Variants in ACSS3 observed in about 807,000 individuals in gnomAD.
The protein encoded by ACSS3 is acyl-CoA synthetase short chain family member 3, also known as acyl-CoA synthetase short-chain family member 3, mitochondrial.
In ACSS3, 64 loss-of-function variants were observed where a neutral mutation model predicts 84.2. The observed-to-expected ratio is 0.76, with a 90% confidence interval of 0.62 to 0.94. The LOEUF is 0.94. Among genes scored for constraint, ACSS3 ranks in the 40% least tolerant of loss-of-function variants. The pLI is 0.00. For synonymous variants in ACSS3, 317 were observed against 310.1 expected (o/e 1.02, Z -0.23); for missense variants, 815 against 867.6 (o/e 0.94, Z 0.76).
At chr12:81,119,700 G>A (rs1245648360) in intron 2 of ACSS3, among the ~76,000 whole-genome samples, 1 of 152,090 alleles carries the variant, frequency 6.6e-6, no homozygotes, top group Non-Finnish European at 1.5e-5. Flanking sequence ...GACCCCGCAG[G>A]CAGTCAGACC....
rs77108696 is a variant in ACSS3, at chr12:81,138,282, T to C, written c.646-849T>C. On this transcript the variant is annotated intron_variant, in intron 3 of 15. Transcript: ENST00000548058. The stretch of plus-strand genomic sequence containing the variant: ...AGTTCCGCAAACGTTTACTGAAAGC[T>C]CATGACATGCCAAGCACTGTGCTAG... 8.6e-3 allele frequency among the ~76,000 whole-genome samples: 1,305 copies of C among 152,280 alleles called. 17 individuals are homozygous for C. Among genetic ancestry groups the C allele is most frequent in the East Asian group, 0.047 (244 of 5,180 alleles).
intron 9 of ACSS3, among the ~76,000 whole-genome samples, chr12:81,211,771 A>G (rs1370303782): frequency 1.3e-5 from 2 of 152,210 alleles, no homozygotes; most frequent in African/African-American, 2.4e-5. Context: ...TTTTGTTCAG[A>G]AGCCCTCATT....
rs2034284247 is a variant in ACSS3, at chr12:81,256,071, T to G, written c.*1149T>G. 6.6e-6 allele frequency: 1 copy of G among 152,204 alleles called. No individual in the cohort carries two copies. The highest frequency in any genetic ancestry group is 6.5e-5 in the Admixed American group (1 of 15,276). The allele number at this position is 152,204 out of a possible 1,614,324, so 9.4% of individuals were successfully genotyped here. ...AGGTTTCTAGGCAGGTAGTGTAATG[T>G]CTAGGTGATTTTGAAGTGAACTTAA... On this transcript the variant is annotated 3_prime_UTR_variant, in exon 16 of 16. Coordinates refer to ENST00000548058, the MANE Select transcript of ACSS3 (RefSeq NM_024560.4).
chr12:81,157,579 C>T (rs925831954), intron 7 of ACSS3, among the ~76,000 whole-genome samples: 18 of 152,218 alleles, frequency 1.2e-4, no homozygotes, highest in African/African-American at 3.9e-4. Context: ...GAGGTCAAGG[C>T]GGGCAGATCA....
rs1173337466 is a variant in ACSS3 at position 81,242,013 on chromosome 12, A to G, written c.1719+8542A>G. 2.2e-3 allele frequency among the ~76,000 whole-genome samples: 335 copies of G among 151,564 alleles called. 1 individual carries two copies. The highest frequency in any genetic ancestry group is 7.9e-3 in the African/African-American group (326 of 41,292). Reference sequence around the variant, plus strand: ...TAATCCATCTTGAATTGATTTTCATATAAGGTGTAAGGAAGGGATCCAGTT... The same window carrying G: ...TAATCCATCTTGAATTGATTTTCATGTAAGGTGTAAGGAAGGGATCCAGTT... On this transcript the variant is annotated intron_variant, in intron 13 of 15. Coordinates refer to ENST00000548058, the MANE Select transcript of ACSS3 (RefSeq NM_024560.4).
intron 9 of ACSS3, among the ~76,000 whole-genome samples, chr12:81,200,889 CAAAAAA>C (rs35916130): frequency 1.1e-4 from 6 of 56,532 alleles, no homozygotes; most frequent in Admixed American, 3.9e-4. Flanking sequence ...GCAAGACTGT[CAAAAAA>C]AAAAAAAAAA....
At chr12:81,102,541 G>A (rs1481168503) in intron 1 of ACSS3, among the ~76,000 whole-genome samples, 2 of 152,116 alleles carry the variant, frequency 1.3e-5, no homozygotes, top group Non-Finnish European at 2.9e-5. Flanking sequence ...GGAGAAGATT[G>A]GCCACGTGCA....
chr12:81,220,338 T>C (rs1221698754), intron 11 of ACSS3, among the ~76,000 whole-genome samples: 2 of 152,076 alleles, frequency 1.3e-5, no homozygotes, highest in Non-Finnish European at 2.9e-5. Flanking sequence ...TATGTATAGA[T>C]GATAAAGTTA....
intron 7 of ACSS3, among the ~76,000 whole-genome samples, chr12:81,168,854 A>T (rs1013067202): frequency 1.3e-5 from 2 of 152,218 alleles, no homozygotes; most frequent in Non-Finnish European, 2.9e-5. Flanking sequence ...CTAGTGTTAC[A>T]TTCTAGGCTC....
At chr12:81,160,461 G>A (rs957810319) in intron 7 of ACSS3, among the ~76,000 whole-genome samples, 2 of 152,176 alleles carry the variant, frequency 1.3e-5, no homozygotes, top group Non-Finnish European at 2.9e-5. Context: ...GATGGTACAG[G>A]AGTATGGTCG....
chr12:81,244,432 A>T (rs2033916425), intron 13 of ACSS3, among the ~76,000 whole-genome samples: 1 of 151,990 alleles, frequency 6.6e-6, no homozygotes, highest in South Asian at 2.1e-4. Flanking sequence ...GGAAACTCTC[A>T]GTCATTATTT....
intron 7 of ACSS3, among the ~76,000 whole-genome samples, chr12:81,153,114 A>C (rs1006034666): frequency 7.9e-5 from 12 of 152,212 alleles, no homozygotes; most frequent in Non-Finnish European, 1.5e-4. Flanking sequence ...TAATGTATAC[A>C]AGAAAGAGGT....
At chr12:81,142,422 A>G (rs1411708951) in intron 4 of ACSS3, among the ~76,000 whole-genome samples, 1 of 152,228 alleles carries the variant, frequency 6.6e-6, no homozygotes, top group East Asian at 1.9e-4. Flanking sequence ...TGTTTTTAAA[A>G]AAGACTATTT....
chr12:81,241,578 G>A (rs2033805682), intron 13 of ACSS3, among the ~76,000 whole-genome samples: 1 of 152,192 alleles, frequency 6.6e-6, no homozygotes, highest in African/African-American at 2.4e-5. Flanking sequence ...GCATTTCTCT[G>A]ATGGCCAGTG....
chr12:81,213,902 G>GTCCT lies in ACSS3; in HGVS notation c.1355-2969_1355-2966dup, dbSNP rs1305105388. On this transcript the variant is annotated intron_variant, in intron 9 of 15. Transcript: ENST00000548058. ...TTTCTTTCCTTTCTTTCTTTCTTTT[G>GTCCT]TCCTTCCTTCCTTCCTTCCTTCCTT... is the stretch of plus-strand genomic sequence containing the variant. Among the ~76,000 whole-genome samples the GTCCT allele has an allele frequency of 6.4e-3, 139 of 21,688 alleles. 12 individuals are homozygous for GTCCT. Among genetic ancestry groups the GTCCT allele is most frequent in the Middle Eastern group, 0.1 (2 of 20 alleles). The allele number at this position is 21,688 out of a possible 152,430, so 14.2% of individuals were successfully genotyped here.
In ACSS3 at chr12:81,143,135, A is replaced by T. The variant is rs1251378297; in HGVS notation, c.809A>T (p.Asp270Val). Reference sequence around the variant, plus strand: ...GCGGTTCCTTTGGCTCCCGGTCGTGACCTTGATTGGGATGAAGAGATGGCA... The same window carrying T: ...GCGGTTCCTTTGGCTCCCGGTCGTGTCCTTGATTGGGATGAAGAGATGGCA... ...MEAVPLAPGR[D>V]LDWDEEMAKA... Residue 270 changes from aspartate (D) to valine (V), a missense_variant, in exon 5 of 16, where the codon GAC (aspartate) becomes GTC (valine). By Grantham distance (152) the Asp-to-Val change is radical (BLOSUM62 -3). Transcript: ENST00000548058. 6.2e-7 allele frequency: 1 copy of T among 1,613,430 alleles called. No individual in the cohort carries two copies. The highest frequency in any genetic ancestry group is 1.7e-5 in the Admixed American group (1 of 59,992).
intron 8 of ACSS3, among the ~76,000 whole-genome samples, chr12:81,196,522 T>C (rs1193558299): frequency 1.3e-5 from 2 of 152,166 alleles, no homozygotes; most frequent in Non-Finnish European, 2.9e-5. Flanking sequence ...TTAAACTAGA[T>C]ATATTTTTTG....
chr12:81,124,238 T>G (rs1884887643), intron 2 of ACSS3, among the ~76,000 whole-genome samples: 1 of 152,164 alleles, frequency 6.6e-6, no homozygotes, highest in Non-Finnish European at 1.5e-5. Context: ...CTCTAAAAAT[T>G]AGTTATGTTG....
At chr12:81,084,952 C>T (rs189554588) in intron 1 of ACSS3, among the ~76,000 whole-genome samples, 1 of 152,226 alleles carries the variant, frequency 6.6e-6, no homozygotes, top group Non-Finnish European at 1.5e-5. Context: ...TGAGGATATT[C>T]GACAGTGACA....
Sources: allele counts gnomAD v4.1 joint callset (sites outside exome capture counted in the v4.1 genomes callset), GRCh38; gene constraint gnomAD v4.1.1; transcripts MANE v1.5; gene names NCBI Gene and HGNC (gene_info 2026-07-23, HGNC 2026-07-21).